Variants in JADE3 observed in about 807,000 individuals in gnomAD.
JADE3 encodes the protein protein Jade-3.
JADE3 carries 2 observed loss-of-function variants against 50.1 expected under a neutral mutation model. The observed-to-expected ratio is 0.04, with a 90% CI of 0.02 to 0.13. The LOEUF is 0.13. JADE3 is among the 10% of genes least tolerant of loss of function. JADE3 has a pLI of 1.00. For synonymous variants in JADE3, 218 were observed against 232.9 expected (o/e 0.94, Z 0.58); for missense variants, 475 against 634.4 (o/e 0.75, Z 2.70).
At chrX:46,999,014 A>G (rs1928208370) in intron 4 of JADE3, among the ~76,000 whole-genome samples, 1 of 111,368 alleles carries the variant, frequency 9.0e-6, no homozygotes, top group Non-Finnish European at 1.9e-5. Flanking sequence ...TATAATTTAT[A>G]AAGAAATATT....
intron 1 of JADE3, among the ~76,000 whole-genome samples, chrX:46,924,644 T>C (rs1926315882): frequency 8.9e-6 from 1 of 111,900 alleles, no homozygotes; most frequent in Admixed American, 9.5e-5. Flanking sequence ...CTTACTCTCT[T>C]GAATTTTATG....
At chrX:47,006,311 T>C (rs1185167815) in intron 4 of JADE3, among the ~76,000 whole-genome samples, 5 of 110,526 alleles carry the variant, frequency 4.5e-5, no homozygotes, top group Non-Finnish European at 9.5e-5. Flanking sequence ...AGAGACAGGG[T>C]CTTACTCTGT....
chrX:47,043,207 C>G (rs1299970214), intron 8 of JADE3, among the ~76,000 whole-genome samples: 1 of 111,823 alleles, frequency 8.9e-6, no homozygotes, highest in Non-Finnish European at 1.9e-5. Flanking sequence ...TCACAACACC[C>G]AAGTCCCTCT....
At chrX:46,982,326 A>T (rs1321567228) in intron 1 of JADE3, among the ~76,000 whole-genome samples, 1 of 110,603 alleles carries the variant, frequency 9.0e-6, no homozygotes, top group Non-Finnish European at 1.9e-5. Flanking sequence ...TATACTTCCT[A>T]TTTCTTTATT....
Position 47,060,537 on chromosome X carries a change from G to A in JADE3, c.*1460G>A, listed in dbSNP as rs1354106678. 1 of 111,835 alleles carries A rather than the reference G, an allele frequency of 8.9e-6. No homozygotes were observed. The highest frequency in any genetic ancestry group is 3.3e-5 in the African/African-American group (1 of 30,731). The allele number at this position is 111,835 out of a possible 1,213,427, so 9.2% of individuals were successfully genotyped here. A position where few individuals can be genotyped will look rare whatever the true frequency, so the allele number is the denominator to read the frequency against. On this transcript the variant is annotated 3_prime_UTR_variant, in exon 11 of 11. Coordinates refer to ENST00000614628, the MANE Select transcript of JADE3 (RefSeq NM_014735.5). ...AACTCAGCAGTTTTCCTCTCCCCCA[G>A]TTGTGTTCTTGTAACGTTGTTAATG...
At chrX:47,000,562 T>A (rs1316840996) in intron 4 of JADE3, among the ~76,000 whole-genome samples, 1 of 111,567 alleles carries the variant, frequency 9.0e-6, no homozygotes, top group African/African-American at 3.3e-5. Context: ...TTCATTTTTT[T>A]AATTTTTTGA....
intron 8 of JADE3, among the ~76,000 whole-genome samples, chrX:47,053,481 AC>A (rs1483421622): frequency 2.7e-5 from 3 of 110,186 alleles, no homozygotes; most frequent in African/African-American, 9.9e-5. Flanking sequence ...CTGGTCTCGA[AC>A]TCCTGGCCTC....
intron 9 of JADE3, among the ~76,000 whole-genome samples, chrX:47,055,876 T>C (rs926886049): frequency 8.9e-6 from 1 of 111,900 alleles, no homozygotes; most frequent in African/African-American, 3.2e-5. Context: ...TTTGGAGCAT[T>C]TTGCTTTTAC....
intron 7 of JADE3, among the ~76,000 whole-genome samples, chrX:47,035,552 A>AG (rs1446856996): frequency 9.0e-6 from 1 of 111,724 alleles, no homozygotes; most frequent in Non-Finnish European, 1.9e-5. Context: ...AACATGACTC[A>AG]GGAAGAGCTC....
At chrX:47,006,468 T>G (rs1307208199) in intron 4 of JADE3, among the ~76,000 whole-genome samples, 1 of 105,309 alleles carries the variant, frequency 9.5e-6, no homozygotes, top group Non-Finnish European at 2.0e-5. Context: ...AGTTTTTTTT[T>G]TTTTTTTTTT....
At chrX:46,960,239 CAA>C (rs34554287) in intron 1 of JADE3, among the ~76,000 whole-genome samples, 1 of 98,111 alleles carries the variant, frequency 1.0e-5, no homozygotes, top group African/African-American at 3.7e-5. Flanking sequence ...ATCTGTGCAA[CAA>C]AAAAAAAAAA....
rs141199529 is a variant in JADE3, at chrX:47,006,828, G to A, written c.284+8551G>A. On this transcript the variant is annotated intron_variant, in intron 4 of 10. Transcript: ENST00000614628. ...TTTTGATATGTTGAATTTCATTTTC[G>A]TTCTCTTAAGTATATATTTTTTTAA... Among the ~76,000 whole-genome samples, 741 of 110,313 alleles carry A rather than the reference G, an allele frequency of 6.7e-3. 4 individuals are homozygous for A. The highest frequency in any genetic ancestry group is 0.023 in the African/African-American group (714 of 30,394).
intron 8 of JADE3, among the ~76,000 whole-genome samples, chrX:47,048,987 A>G (rs1929436609): frequency 9.0e-6 from 1 of 111,570 alleles, no homozygotes; most frequent in Admixed American, 9.6e-5. Flanking sequence ...TGCTATCTCA[A>G]TTTTTTATTT....
chrX:46,989,525 T>C (rs1927936779), intron 3 of JADE3, among the ~76,000 whole-genome samples: 1 of 111,937 alleles, frequency 8.9e-6, no homozygotes, highest in East Asian at 2.8e-4. Context: ...AATGTTGTGC[T>C]ACTTCCTTCT....
intron 1 of JADE3, among the ~76,000 whole-genome samples, chrX:46,939,033 G>T (rs1225032927): frequency 8.9e-6 from 1 of 111,917 alleles, no homozygotes; most frequent in Non-Finnish European, 1.9e-5. Context: ...CACCATGTTT[G>T]CCAGGCTGGT....
chrX:46,932,013 T>C (rs1926508136), intron 1 of JADE3, among the ~76,000 whole-genome samples: 1 of 112,108 alleles, frequency 8.9e-6, no homozygotes, highest in South Asian at 3.7e-4. Flanking sequence ...AAAAGGTAAA[T>C]AAATGACTGT....
intron 1 of JADE3, among the ~76,000 whole-genome samples, chrX:46,924,667 G>A (rs1483712654): frequency 9.0e-6 from 1 of 111,430 alleles, no homozygotes; most frequent in African/African-American, 3.3e-5. Context: ...TTTATGACTA[G>A]GGAGCCAGGA....
rs150077827 is a variant in JADE3 at position 46,941,411 on chromosome X, T to C, written c.-12+28692T>C. On this transcript the variant is annotated intron_variant, in intron 1 of 10. Transcript: ENST00000614628. ...GTAGAATAATTTATTTTCCTTTGGG[T>C]GATATACCTAGTAGTGGAATTGCTG... is the stretch of plus-strand genomic sequence containing the variant. 5.5e-3 allele frequency among the ~76,000 whole-genome samples: 612 copies of C among 111,262 alleles called. 5 individuals are homozygous for C. Among genetic ancestry groups the C allele is most frequent in the Non-Finnish European group, 7.2e-3 (382 of 53,014 alleles).
At chrX:46,961,861 T>A (rs1006556308) in intron 1 of JADE3, among the ~76,000 whole-genome samples, 18 of 112,013 alleles carry the variant, frequency 1.6e-4, no homozygotes, top group Non-Finnish European at 7.5e-5. Flanking sequence ...ACATTTACCA[T>A]AAAAAAGACT....
Sources: gnomAD v4.1 joint callset for allele counts (sites outside exome capture counted in the v4.1 genomes callset) on GRCh38, gnomAD v4.1.1 for gene constraint, MANE v1.5 for transcripts, NCBI Gene and HGNC (gene_info 2026-07-23, HGNC 2026-07-21) for gene names.